The following SRPK2 variants were observed in gnomAD, a reference collection of about 807,000 sequenced individuals.
SRPK2 encodes SFRS protein kinase 2.
A neutral mutation model predicts 90.8 loss-of-function variants in SRPK2; 21 were observed. The ratio of observed to expected loss-of-function variants is 0.23; its 90% CI spans 0.16 to 0.33. SRPK2 has a LOEUF of 0.33. Ranked by LOEUF, SRPK2 falls within the 10% of genes least tolerant of loss-of-function variation. The probability of loss-of-function intolerance (pLI) is 1.00; values close to 1 mark genes in which losing one functional copy is unlikely to be tolerated. For synonymous variants in SRPK2, 288 were observed against 311.1 expected, an observed-to-expected ratio of 0.93 and a Z score of 0.78; for missense variants, 620 against 869.0, an observed-to-expected ratio of 0.71 and a Z score of 3.60.
chr7:105,164,951 G>C (rs992878026), intron 6 of SRPK2, among the ~76,000 whole-genome samples: 2 of 152,188 alleles, frequency 1.3e-5, no homozygotes, highest in Admixed American at 1.3e-4. Context: ...GTGCCTCTGA[G>C]TAAAGTGGTC....
intron 2 of SRPK2, among the ~76,000 whole-genome samples, chr7:105,276,306 T>C (rs950074435): frequency 6.6e-6 from 1 of 151,464 alleles, no homozygotes; most frequent in Non-Finnish European, 1.5e-5. Flanking sequence ...CTTGAACTCC[T>C]GGGCTCAACC....
chr7:105,276,513 G>A (rs557049195), intron 2 of SRPK2, among the ~76,000 whole-genome samples: 1 of 151,762 alleles, frequency 6.6e-6, no homozygotes, highest in South Asian at 2.1e-4. Flanking sequence ...CAAGGCAGAA[G>A]GACCGCTTAA....
At chr7:105,161,483 C>A (rs1337725429) in intron 6 of SRPK2, among the ~76,000 whole-genome samples, 1 of 152,220 alleles carries the variant, frequency 6.6e-6, no homozygotes, top group Non-Finnish European at 1.5e-5. Context: ...ATTAACCCCA[C>A]TGTAGGCATG....
At chr7:105,179,436 CTG>C (rs1792439061) in intron 3 of SRPK2, among the ~76,000 whole-genome samples, 1 of 152,166 alleles carries the variant, frequency 6.6e-6, no homozygotes, top group Non-Finnish European at 1.5e-5. Context: ...CTATTTAAAA[CTG>C]TAAAACTAAC....
rs6973627 is a variant in SRPK2, at chr7:105,315,094, T to C, written c.71+73554A>G. On this transcript the variant is annotated intron_variant, in intron 2 of 15. Transcript: ENST00000393651. ...GAGTTCGAGACCAGCCTGCACACCA[T>C]AGGGGATCCCACCTCTATTTTTAAA... Among the ~76,000 whole-genome samples the C allele has an allele frequency of 1.4e-4, 22 of 152,276 alleles. No individual in the cohort carries two copies. In the East Asian group the frequency reaches 2.7e-3, roughly 19 times the overall value.
chr7:105,388,493 C>A (rs1038209685), intron 2 of SRPK2, among the ~76,000 whole-genome samples, 155 bp downstream of exon 2: 1 of 146,792 alleles, frequency 6.8e-6, no homozygotes. Context: ...CCCCTCCCCC[C>A]GGGCCGCCCG....
At chr7:105,190,895 T>A (rs1341186797) in intron 3 of SRPK2, among the ~76,000 whole-genome samples, 1 of 152,232 alleles carries the variant, frequency 6.6e-6, no homozygotes, top group Non-Finnish European at 1.5e-5. Context: ...TTTCTACTAA[T>A]AATGCCAACA....
intron 2 of SRPK2, among the ~76,000 whole-genome samples, chr7:105,298,257 T>C (rs1243596884): frequency 6.6e-6 from 1 of 152,182 alleles, no homozygotes; most frequent in African/African-American, 2.4e-5. Flanking sequence ...CTAGCTTCTT[T>C]CACTTAACAT....
At chr7:105,146,419 A>AT in intron 8 of SRPK2, 74 bp downstream of exon 8, 2 of 1,501,264 alleles carry the variant, frequency 1.3e-6, no homozygotes, top group Non-Finnish European at 1.8e-6. Flanking sequence ...TTTGATTCAG[A>AT]TACCTTCAAC....
At position 105,167,431 on chromosome 7, in the gene SRPK2, C is replaced by A; in HGVS notation, c.460G>T (p.Asp154Tyr). ...TCGTCAATGAGCTGGACCACCATGT[C>A]TTTGTTTGGGTCACTGGGATCACTT... ...RESDPSDPNKDMVVQLIDDFK... is the reference protein window; with the variant it reads ...RESDPSDPNKYMVVQLIDDFK... Residue 154 changes from aspartate to tyrosine, a missense_variant, in exon 6 of 16, where the codon GAC (aspartate) becomes TAC (tyrosine). Physicochemically the swap from Asp to Tyr is radical, Grantham distance 160 (BLOSUM62 -3). Transcript: ENST00000393651. 6.2e-7 allele frequency: 1 copy of A among 1,613,772 alleles called. No individual in the cohort carries two copies. The highest frequency in any genetic ancestry group is 8.5e-7 in the Non-Finnish European group (1 of 1,179,784).
Position 105,212,803 on chromosome 7 carries a change from T to A in SRPK2, c.72-9018A>T, listed in dbSNP as rs941915126. ...TGGAACTCAGAACTCAGTACAGTTG[T>A]TGCTCTGTATCCATGCATTCCGCAT... On this transcript the variant is annotated intron_variant, in intron 2 of 15. Coordinates refer to ENST00000393651, the MANE Select transcript of SRPK2 (RefSeq NM_182692.3). 3.9e-5 allele frequency among the ~76,000 whole-genome samples: 6 copies of A among 152,234 alleles called. No homozygotes were observed. In the South Asian group the frequency reaches 1.2e-3, roughly 32 times the overall value.
chr7:105,396,191 A>G (rs1199977398), intron 1 of SRPK2, among the ~76,000 whole-genome samples: 1 of 151,778 alleles, frequency 6.6e-6, no homozygotes, highest in Non-Finnish European at 1.5e-5. Flanking sequence ...CTGGGATTAC[A>G]GGCATGAGCC....
At chr7:105,301,400 T>C (rs1169455666) in intron 2 of SRPK2, 1 of 631,388 alleles carries the variant, frequency 1.6e-6, no homozygotes, top group Non-Finnish European at 2.8e-6. Flanking sequence ...GTGCCAAGAC[T>C]GTGCCGCCCC....
intron 2 of SRPK2, chr7:105,301,872 T>C: frequency 1.9e-6 from 3 of 1,586,758 alleles, no homozygotes; most frequent in Non-Finnish European, 2.6e-6. Context: ...CACAATCCCA[T>C]TAATTCCACA....
At chr7:105,283,486 A>C (rs1376957180) in intron 2 of SRPK2, among the ~76,000 whole-genome samples, 1 of 152,230 alleles carries the variant, frequency 6.6e-6, no homozygotes, top group Non-Finnish European at 1.5e-5. Context: ...TGAACGCTGA[A>C]AACATTATGC....
intron 2 of SRPK2, among the ~76,000 whole-genome samples, chr7:105,242,367 C>T (rs1049681358): frequency 5.9e-5 from 9 of 152,036 alleles, no homozygotes; most frequent in Admixed American, 2.0e-4. Context: ...CAAAAGTTAT[C>T]CGGGGGTGGT....
intron 2 of SRPK2, among the ~76,000 whole-genome samples, chr7:105,364,374 A>G (rs941329669): frequency 6.6e-6 from 1 of 150,400 alleles, no homozygotes; most frequent in African/African-American, 2.4e-5. Flanking sequence ...TGCTGCACTG[A>G]AAAGCCTTTC....
intron 2 of SRPK2, among the ~76,000 whole-genome samples, chr7:105,381,558 T>G (rs1209791450): frequency 1.3e-5 from 2 of 152,204 alleles, no homozygotes; most frequent in Non-Finnish European, 1.5e-5. Flanking sequence ...CCTGCAATGG[T>G]CTTTTCACAA....
intron 2 of SRPK2, among the ~76,000 whole-genome samples, chr7:105,261,050 G>C (rs1044003373): frequency 1.4e-5 from 2 of 140,768 alleles, no homozygotes; most frequent in Non-Finnish European, 3.1e-5. Context: ...AAACAGTATG[G>C]AGTGCAAATG....
Sources: gnomAD v4.1 joint callset for allele counts (sites outside exome capture counted in the v4.1 genomes callset) on GRCh38, gnomAD v4.1.1 for gene constraint, MANE v1.5 for transcripts, NCBI Gene and HGNC (gene_info 2026-07-23, HGNC 2026-07-21) for gene names.